The following HSD17B12 variants were observed in gnomAD, a reference collection of about 807,000 sequenced individuals.
The protein encoded by HSD17B12 is hydroxysteroid 17-beta dehydrogenase 12.
A neutral mutation model predicts 39.3 loss-of-function variants in HSD17B12; 32 were observed. The observed-to-expected ratio is 0.81, with a 90% CI of 0.61 to 1.09. The LOEUF (loss-of-function observed/expected upper bound fraction) is 1.09, where lower values mean the gene tolerates loss of function less well. Among genes scored for constraint, HSD17B12 ranks in the 50% least tolerant of loss-of-function variants. The pLI, the probability that HSD17B12 is intolerant of heterozygous loss-of-function variation, is 0.00. For synonymous variants in HSD17B12, 150 were observed against 146.7 expected (o/e 1.02, Z -0.16); for missense variants, 342 against 382.9 (o/e 0.89, Z 0.89).
chr11:43,655,738 C>T, the HSD17B12 span, among the ~76,000 whole-genome samples: 1 of 152,190 alleles, frequency 6.6e-6, no homozygotes, highest in African/African-American at 2.4e-5. Flanking sequence ...ACCAGCCTTG[C>T]ATCCCAGGGA....
chr11:43,673,100 G>A, the HSD17B12 span: 3 of 152,164 alleles, frequency 2.0e-5, no homozygotes, highest in Non-Finnish European at 4.4e-5. Context: ...TTACAGCCAA[G>A]TGAAGGATTC....
chr11:43,811,428 C>T (rs957026334), intron 4 of HSD17B12, among the ~76,000 whole-genome samples: 2 of 152,138 alleles, frequency 1.3e-5, no homozygotes, highest in Non-Finnish European at 2.9e-5. Context: ...GTGTACTTCA[C>T]CTCATAAAAT....
At chr11:43,722,167 G>A (rs968043120) in intron 1 of HSD17B12, among the ~76,000 whole-genome samples, 3 of 152,216 alleles carry the variant, frequency 2.0e-5, no homozygotes, top group Non-Finnish European at 2.9e-5. Context: ...GAGCAAGCTC[G>A]AAGTGGGAAT....
chr11:43,785,893 C>T (rs980051846), intron 3 of HSD17B12, among the ~76,000 whole-genome samples: 2 of 152,124 alleles, frequency 1.3e-5, no homozygotes, highest in African/African-American at 4.8e-5. Context: ...GCAGCTCTTC[C>T]AAATGTTGAC....
At chr11:43,671,440 C>T in the HSD17B12 span, among the ~76,000 whole-genome samples, 4 of 152,260 alleles carry the variant, frequency 2.6e-5, no homozygotes, top group African/African-American at 9.6e-5. Flanking sequence ...TTTGGCCTCC[C>T]AGAGTGTTGG....
intron 3 of HSD17B12, among the ~76,000 whole-genome samples, chr11:43,769,047 C>G (rs941151249): frequency 7.9e-5 from 12 of 152,250 alleles, no homozygotes; most frequent in Non-Finnish European, 1.6e-4. Context: ...TCAAGTGATT[C>G]TGGTGCCTCA....
chr11:43,557,685 G>T, the HSD17B12 span, among the ~76,000 whole-genome samples: 1 of 152,148 alleles, frequency 6.6e-6, no homozygotes, highest in African/African-American at 2.4e-5. Context: ...GAGGAAAACC[G>T]CCTGAAAAGG....
intron 3 of HSD17B12, among the ~76,000 whole-genome samples, chr11:43,778,232 T>C (rs1334541111): frequency 2.3e-4 from 35 of 152,304 alleles, no homozygotes; most frequent in Non-Finnish European, 4.4e-5. Context: ...CTAGACAATC[T>C]AGAAGAAATG....
At chr11:43,561,735 G>GAAAGAA in the HSD17B12 span, among the ~76,000 whole-genome samples, 1 of 151,908 alleles carries the variant, frequency 6.6e-6, no homozygotes, top group Non-Finnish European at 1.5e-5. Context: ...ACAGTACCTA[G>GAAAGAA]AAAGAAAAAG....
the HSD17B12 span, among the ~76,000 whole-genome samples, chr11:43,651,138 A>G: frequency 6.6e-6 from 1 of 152,252 alleles, no homozygotes. Context: ...AGAAATGTTC[A>G]AAAAGGTATG....
chr11:43,615,578 A>G, the HSD17B12 span, among the ~76,000 whole-genome samples: 2 of 152,012 alleles, frequency 1.3e-5, no homozygotes, highest in Admixed American at 6.6e-5. Flanking sequence ...CCATTTCTAC[A>G]CCACAGAAGG....
chr11:43,801,336 G>T (rs1950966175), intron 4 of HSD17B12, among the ~76,000 whole-genome samples: 1 of 151,928 alleles, frequency 6.6e-6, no homozygotes, highest in Non-Finnish European at 1.5e-5. Flanking sequence ...CAGTGGGGTA[G>T]GAAAAAGGAG....
intron 4 of HSD17B12, among the ~76,000 whole-genome samples, chr11:43,804,071 A>G (rs749743677): frequency 4.6e-5 from 7 of 152,192 alleles, no homozygotes; most frequent in Non-Finnish European, 1.0e-4. Flanking sequence ...TGCCACAGAC[A>G]ATACTTTTTT....
intron 6 of HSD17B12, among the ~76,000 whole-genome samples, chr11:43,822,840 C>T: frequency 6.6e-6 from 1 of 152,082 alleles, no homozygotes; most frequent in African/African-American, 2.4e-5. Flanking sequence ...CCTTTGGGTA[C>T]ATACCCAGTA....
At chr11:43,699,804 A>T (rs1255237206) in intron 1 of HSD17B12, among the ~76,000 whole-genome samples, 3 of 152,244 alleles carry the variant, frequency 2.0e-5, no homozygotes, top group Non-Finnish European at 4.4e-5. Flanking sequence ...CGATCAAAAA[A>T]TGGGCAGAAG....
At chr11:43,646,773 A>G in the HSD17B12 span, among the ~76,000 whole-genome samples, 1 of 152,152 alleles carries the variant, frequency 6.6e-6, no homozygotes, top group Non-Finnish European at 1.5e-5. Context: ...TTGGTATTTA[A>G]TCATTTATTT....
the HSD17B12 span, among the ~76,000 whole-genome samples, chr11:43,671,741 G>C: frequency 1.3e-5 from 2 of 152,170 alleles, no homozygotes; most frequent in Non-Finnish European, 2.9e-5. Context: ...TGTATATGTT[G>C]TGTATATTAT....
intron 6 of HSD17B12, 111 bp from the exon 7 acceptor site, chr11:43,830,865 T>C (rs991084582): frequency 3.8e-6 from 3 of 799,650 alleles, no homozygotes; most frequent in Non-Finnish European, 4.2e-6. Flanking sequence ...TCTGTAGAAG[T>C]GGTGAATGGT....
At chr11:43,573,599 C>T in the HSD17B12 span, among the ~76,000 whole-genome samples, 1 of 152,282 alleles carries the variant, frequency 6.6e-6, no homozygotes, top group African/African-American at 2.4e-5. Flanking sequence ...TCTGGGTTTG[C>T]TTAAAAGTTG....
Sources: allele counts gnomAD v4.1 joint callset (sites outside exome capture counted in the v4.1 genomes callset), GRCh38; gene constraint gnomAD v4.1.1; transcripts MANE v1.5; gene names NCBI Gene and HGNC (gene_info 2026-07-23, HGNC 2026-07-21).